The following ZC3H12B variants were observed in gnomAD, a reference collection of about 807,000 sequenced individuals.
The protein encoded by ZC3H12B is zinc finger CCCH-type containing 12B, also known as probable ribonuclease ZC3H12B.
In ZC3H12B, 7 loss-of-function variants were observed where a neutral mutation model predicts 43.9. The ratio of observed to expected loss-of-function variants is 0.16; its 90% CI spans 0.09 to 0.30. The LOEUF (loss-of-function observed/expected upper bound fraction) is 0.30. Among genes scored for constraint, ZC3H12B ranks in the 10% least tolerant of loss-of-function variants. The pLI, the probability that ZC3H12B is intolerant of heterozygous loss-of-function variation, is 1.00. For synonymous variants in ZC3H12B, 222 were observed against 241.7 expected, an observed-to-expected ratio of 0.92 and a Z score of 0.76; for missense variants, 475 against 670.2, an observed-to-expected ratio of 0.71 and a Z score of 3.22.
intron 3 of ZC3H12B, among the ~76,000 whole-genome samples, chrX:65,446,117 G>A (rs1376809046): frequency 9.0e-6 from 1 of 111,653 alleles, no homozygotes; most frequent in Non-Finnish European, 1.9e-5. Context: ...GTTCCCTTCT[G>A]CCCAGATTGT....
At chrX:65,291,993 A>T in the ZC3H12B span, among the ~76,000 whole-genome samples, 1 of 112,042 alleles carries the variant, frequency 8.9e-6, no homozygotes, top group Non-Finnish European at 1.9e-5. Context: ...TATGTATGAA[A>T]CTAACAATAA....
chrX:65,246,434 A>G, the ZC3H12B span, among the ~76,000 whole-genome samples: 3 of 112,134 alleles, frequency 2.7e-5, no homozygotes, highest in Non-Finnish European at 3.8e-5. Flanking sequence ...TGAAACCAAA[A>G]GAGAACCTGA....
chrX:65,385,778 G>A lies in ZC3H12B; in HGVS notation n.296-12815G>A, dbSNP rs768718057. ...CCTATTCAGTATGACATTGGCTGTCGGTTTGTCATAAATAGCTCTTATTAT... is the reference window on the plus strand; with the variant it reads ...CCTATTCAGTATGACATTGGCTGTCAGTTTGTCATAAATAGCTCTTATTAT... On this transcript the variant is annotated intron_variant and non_coding_transcript_variant, in intron 2 of 5. Transcript: ENST00000617377. 7.2e-5 allele frequency among the ~76,000 whole-genome samples: 8 copies of A among 111,726 alleles called. 1 individual carries two copies. The South Asian group carries it at 3.0e-3, about 42-fold the overall frequency.
chrX:65,382,257 A>G (rs1318179479), intron 2 of ZC3H12B, among the ~76,000 whole-genome samples: 1 of 109,860 alleles, frequency 9.1e-6, no homozygotes, highest in African/African-American at 3.3e-5. Flanking sequence ...ATCCACCATG[A>G]TCAAGTGGGC....
At chrX:65,467,476 G>T (rs1410911169) in intron 3 of ZC3H12B, among the ~76,000 whole-genome samples, 2 of 111,517 alleles carry the variant, frequency 1.8e-5, no homozygotes, top group African/African-American at 6.5e-5. Flanking sequence ...CCAGTAGTGG[G>T]ATTGCTGGAT....
At chrX:65,179,833 C>G in the ZC3H12B span, among the ~76,000 whole-genome samples, 1 of 111,717 alleles carries the variant, frequency 9.0e-6, no homozygotes, top group Non-Finnish European at 1.9e-5. Flanking sequence ...CTGAATAGAC[C>G]AATAACAATT....
the ZC3H12B span, among the ~76,000 whole-genome samples, chrX:65,154,270 T>C: frequency 1.8e-5 from 2 of 111,792 alleles, no homozygotes; most frequent in African/African-American, 6.5e-5. Flanking sequence ...AAAAATTTTC[T>C]CATGCCGTAC....
At chrX:65,502,842 T>C (rs1277644917) in exon 5 of ZC3H12B, 2 of 1,208,688 alleles carry the variant, frequency 1.7e-6, no homozygotes, top group Non-Finnish European at 2.2e-6. Context: ...AGCAACCCCG[T>C]GAGGCAAAGA....
the ZC3H12B span, among the ~76,000 whole-genome samples, chrX:65,220,114 T>G: frequency 3.6e-5 from 4 of 111,330 alleles, no homozygotes; most frequent in Non-Finnish European, 7.5e-5. Context: ...CTAAACTTCA[T>G]AAATGAAGGA....
At chrX:65,315,774 C>G in the ZC3H12B span, among the ~76,000 whole-genome samples, 2 of 111,987 alleles carry the variant, frequency 1.8e-5, no homozygotes, top group Non-Finnish European at 3.8e-5. Flanking sequence ...CTTCTTACCT[C>G]CAAACAACCA....
At chrX:65,356,274 C>T in the ZC3H12B span, among the ~76,000 whole-genome samples, 2 of 111,807 alleles carry the variant, frequency 1.8e-5, no homozygotes, top group Non-Finnish European at 3.8e-5. Context: ...GTTTAAAGAG[C>T]TTTTCCTGGC....
At chrX:65,416,059 T>A (rs939561690) in intron 3 of ZC3H12B, among the ~76,000 whole-genome samples, 3 of 111,833 alleles carry the variant, frequency 2.7e-5, no homozygotes, top group Admixed American at 1.9e-4. Flanking sequence ...TAAACAGTAG[T>A]CTGAACAGAA....
chrX:65,140,599 T>A, the ZC3H12B span, among the ~76,000 whole-genome samples: 2 of 111,794 alleles, frequency 1.8e-5, no homozygotes, highest in Non-Finnish European at 3.8e-5. Flanking sequence ...TCCACTGGCT[T>A]TGGTATTACG....
chrX:65,396,595 A>G (rs1186334778), intron 2 of ZC3H12B, among the ~76,000 whole-genome samples: 1 of 105,392 alleles, frequency 9.5e-6, no homozygotes, highest in Admixed American at 1.0e-4. Context: ...TTTTTTTCGC[A>G]TTTGCTGAGA....
chrX:65,087,313 T>C, the ZC3H12B span, among the ~76,000 whole-genome samples: 1 of 111,749 alleles, frequency 8.9e-6, no homozygotes, highest in East Asian at 2.8e-4. Context: ...TTCCACCTAA[T>C]GGCTTTAGTA....
chrX:65,128,841 T>G, the ZC3H12B span, among the ~76,000 whole-genome samples: 1 of 111,788 alleles, frequency 8.9e-6, no homozygotes, highest in African/African-American at 3.2e-5. Flanking sequence ...GATATCTACT[T>G]CAGCTAATAT....
the ZC3H12B span, among the ~76,000 whole-genome samples, chrX:65,228,776 A>G: frequency 0.23 from 25,672 of 111,304 alleles, 7,177 homozygotes; most frequent in African/African-American, 0.8. Flanking sequence ...GTGAACTCCC[A>G]TTCACAATTG....
the ZC3H12B span, among the ~76,000 whole-genome samples, chrX:65,086,413 C>T: frequency 9.0e-6 from 1 of 111,072 alleles, no homozygotes; most frequent in Admixed American, 9.6e-5. Flanking sequence ...TCTTGTTCAG[C>T]AATTGACCTC....
the ZC3H12B span, among the ~76,000 whole-genome samples, chrX:65,116,170 T>G: frequency 8.9e-6 from 1 of 111,795 alleles, no homozygotes; most frequent in African/African-American, 3.3e-5. Context: ...TCTAGAATAT[T>G]TACAGTTTCA....
Sources: gnomAD v4.1 joint callset for allele counts (sites outside exome capture counted in the v4.1 genomes callset) on GRCh38, gnomAD v4.1.1 for gene constraint, MANE v1.5 for transcripts, NCBI Gene and HGNC (gene_info 2026-07-23, HGNC 2026-07-21) for gene names.